Variants in DMRT2 observed in about 807,000 individuals in gnomAD.
DMRT2 encodes the protein doublesex and mab-3 related transcription factor 2.
Under a neutral mutation model 43.5 loss-of-function variants are expected in DMRT2, and 33 were observed. That is an observed-to-expected ratio of 0.76 (90% CI 0.58 to 1.01). The LOEUF (loss-of-function observed/expected upper bound fraction) is 1.01, where lower values mean the gene tolerates loss of function less well. Among genes scored for constraint, DMRT2 ranks in the 50% least tolerant of loss-of-function variants. The pLI, the probability that DMRT2 is intolerant of heterozygous loss-of-function variation, is 0.00. For missense variants in DMRT2, 1,064 were observed against 748.0 expected, an observed-to-expected ratio of 1.42 and a Z score of -4.93; for synonymous variants, 395 against 309.2, an observed-to-expected ratio of 1.28 and a Z score of -2.91.
In DMRT2 at chr9:1,053,785, G is replaced by C. The variant is rs779382151; in HGVS notation, c.589G>C (p.Val197Leu). The change falls in exon 3 of 4, where the codon GTC (valine) becomes CTC (leucine). Residue 197 changes from valine to leucine, a missense_variant. Val to Leu is a conservative substitution (Grantham distance 32). Transcript: ENST00000358146. ...GCGCAAAGCTGTGTACCAGAGGCAAGTCAGAGCCCCCAGTTTGCTGGCCAA... is the reference window on the plus strand; with the variant it reads ...GCGCAAAGCTGTGTACCAGAGGCAACTCAGAGCCCCCAGTTTGCTGGCCAA... ...FERKAVYQRQ[V>L]RAPSLLAKSI... The C allele has an allele frequency of 3.7e-6, 6 of 1,614,050 alleles. No individual in the cohort carries two copies. The highest frequency in any genetic ancestry group is 1.3e-5 in the African/African-American group (1 of 74,914).
Position 1,057,184 on chromosome 9 carries a change from A to G in DMRT2, c.1597A>G (p.Thr533Ala), listed in dbSNP as rs1471342698. The G allele has an allele frequency of 1.2e-6, 2 of 1,614,152 alleles. No homozygotes were observed. Among genetic ancestry groups the G allele is most frequent in the Admixed American group, 1.7e-5 (1 of 60,026 alleles). The change falls in exon 4 of 4, where the codon ACA becomes GCA. Residue 533 changes from threonine (T) to alanine (A), a missense_variant. By Grantham distance (58) the Thr-to-Ala change is moderately conservative. Transcript: ENST00000358146. ...KDLFVAKQVGTKLSVNEPLSF... is the reference protein window; with the variant it reads ...KDLFVAKQVGAKLSVNEPLSF... ...CCTTTTTGTAGCCAAACAAGTTGGA[A>G]CAAAACTCTCGGTGAATGAACCACT...
In DMRT2 at chr9:1,057,175, C is replaced by G. The variant is rs1822064872; in HGVS notation, c.1588C>G (p.Gln530Glu). The G allele has an allele frequency of 6.2e-7, 1 of 1,613,996 alleles. No individual in the cohort carries two copies. Among genetic ancestry groups the G allele is most frequent in the Non-Finnish European group, 8.5e-7 (1 of 1,180,002 alleles). Reference protein sequence around the residue: ...RCAKDLFVAKQVGTKLSVNEP... With the variant: ...RCAKDLFVAKEVGTKLSVNEP... ...TGCAAAAGACCTTTTTGTAGCCAAA[C>G]AAGTTGGAACAAAACTCTCGGTGAA... The change falls in exon 4 of 4, where the codon CAA (glutamine) becomes GAA (glutamate). Residue 530 changes from glutamine to glutamate, a missense_variant. Coordinates refer to ENST00000358146, the MANE Select transcript of DMRT2 (RefSeq NM_181872.6).
chr9:1,056,989 C>G lies in DMRT2; in HGVS notation c.1402C>G (p.His468Asp). 6.2e-7 allele frequency: 1 copy of G among 1,614,230 alleles called. No homozygotes were observed. Among genetic ancestry groups the G allele is most frequent in the Admixed American group, 1.7e-5 (1 of 60,024 alleles). The change falls in exon 4 of 4, where the codon CAT (histidine) becomes GAT (aspartate). Residue 468 changes from histidine (H) to aspartate (D), a missense_variant. His to Asp is a moderately conservative substitution (Grantham distance 81). Transcript: ENST00000358146. ...CACCAGGCACCCTCTGCCACTTAGA[C>G]ATAATCCATTCCACTCATTATTCCA... Reference protein sequence around the residue: ...ENTRHPLPLRHNPFHSLFQQT... With the variant: ...ENTRHPLPLRDNPFHSLFQQT...
intron 3 of DMRT2, 137 bp downstream of exon 3, chr9:1,053,961 G>C (rs746127361): frequency 4.4e-6 from 3 of 679,544 alleles, no homozygotes; most frequent in African/African-American, 3.6e-5. Context: ...TTTTGTTTAG[G>C]TGTTCGCTGA....
At chr9:1,056,181 T>C in intron 3 of DMRT2, 35 bp from the exon 4 acceptor site, 2 of 1,562,006 alleles carry the variant, frequency 1.3e-6, no homozygotes, top group Non-Finnish European at 1.7e-6. Flanking sequence ...CCGTAGATGT[T>C]AATCTCTTTC....
chr9:1,053,869 T>C (rs1367482721), intron 3 of DMRT2, 45 bp downstream of exon 3: 1 of 1,470,392 alleles, frequency 6.8e-7, no homozygotes, highest in Admixed American at 1.7e-5. Flanking sequence ...CAGAGTTGAG[T>C]GACTCTCATT....
In DMRT2 at chr9:1,056,461, G is replaced by C; in HGVS notation, c.874G>C (p.Val292Leu). Reference sequence around the variant, plus strand: ...CAAAAGTGCCTACAGCCCCAGCCCAGTGGAACCACCAAGCAAGGACTTCTG... The same window carrying C: ...CAAAAGTGCCTACAGCCCCAGCCCACTGGAACCACCAAGCAAGGACTTCTG... Reference protein sequence around the residue: ...SYKSAYSPSPVEPPSKDFCNF... With the variant: ...SYKSAYSPSPLEPPSKDFCNF... The change falls in exon 4 of 4, where the codon GTG becomes CTG. Residue 292 changes from valine to leucine, a missense_variant. Physicochemically the swap from Val to Leu is conservative, Grantham distance 32. Coordinates refer to ENST00000358146, the MANE Select transcript of DMRT2 (RefSeq NM_181872.6). The C allele has an allele frequency of 6.2e-7, 1 of 1,614,210 alleles. No individual in the cohort carries two copies. Among genetic ancestry groups the C allele is most frequent in the Non-Finnish European group, 8.5e-7 (1 of 1,180,044 alleles).
At chr9:1,055,456 A>G (rs1484713515) in intron 3 of DMRT2, among the ~76,000 whole-genome samples, 3 of 152,244 alleles carry the variant, frequency 2.0e-5, no homozygotes, top group African/African-American at 7.2e-5. Flanking sequence ...CAAAATGATT[A>G]GAGCTTGGGA....
At chr9:1,053,385 T>A (rs527531593) in intron 2 of DMRT2, among the ~76,000 whole-genome samples, 1 of 152,280 alleles carries the variant, frequency 6.6e-6, no homozygotes, top group South Asian at 2.1e-4. Flanking sequence ...TGAGGTCGGG[T>A]GCCCCCCTGA....
At position 1,057,175 on chromosome 9, in the gene DMRT2, C is replaced by A; in HGVS notation, c.1588C>A (p.Gln530Lys). The change falls in exon 4 of 4, where the codon CAA (glutamine) becomes AAA (lysine). Residue 530 changes from glutamine (Q) to lysine (K), a missense_variant. Physicochemically the swap from Gln to Lys is moderately conservative, Grantham distance 53. Coordinates refer to ENST00000358146, the MANE Select transcript of DMRT2 (RefSeq NM_181872.6). ...RCAKDLFVAK[Q>K]VGTKLSVNEP... ...TGCAAAAGACCTTTTTGTAGCCAAA[C>A]AAGTTGGAACAAAACTCTCGGTGAA... 1 of 1,613,996 alleles carries A rather than the reference C, an allele frequency of 6.2e-7. No individual in the cohort carries two copies. The highest frequency in any genetic ancestry group is 8.5e-7 in the Non-Finnish European group (1 of 1,180,002).
At chr9:1,052,296 A>T (rs983588732) in intron 2 of DMRT2, among the ~76,000 whole-genome samples, 158 bp downstream of exon 2, 34 of 152,070 alleles carry the variant, frequency 2.2e-4, no homozygotes, top group Non-Finnish European at 4.9e-4. Flanking sequence ...TGCACTGGCG[A>T]GCAGGGTCGG....
In DMRT2 at chr9:1,051,678, T is replaced by C; in HGVS notation, c.65T>C (p.Leu22Pro). The C allele has an allele frequency of 6.4e-7, 1 of 1,569,154 alleles. No individual in the cohort carries two copies. The change falls in exon 2 of 4, where the codon CTG becomes CCG. Residue 22 changes from leucine (L) to proline (P), a missense_variant. Leu to Pro is a moderately conservative substitution (Grantham distance 98, BLOSUM62 -3). Transcript: ENST00000358146. The surrounding 1 kb of genome is among the most constrained non-coding windows in gnomAD (Gnocchi z 5.9). ...GAGATCGATGTCGAGAGCCTGGAGC[T>C]GGAAGAGGACGTCTGCGGGGCGCCG... ...DWEIDVESLE[L>P]EEDVCGAPRS...
chr9:1,055,829 A>G (rs1821943817), intron 3 of DMRT2: 2 of 1,518,884 alleles, frequency 1.3e-6, no homozygotes, highest in Admixed American at 5.1e-5. Context: ...TAATGAAAAA[A>G]GATGACATGG....
At chr9:1,054,832 C>A (rs1394173239) in intron 3 of DMRT2, among the ~76,000 whole-genome samples, 1 of 151,708 alleles carries the variant, frequency 6.6e-6, no homozygotes, top group African/African-American at 2.4e-5. Context: ...CTGTTTTTTT[C>A]TTGTGTAGCT....
At position 1,056,800 on chromosome 9, in the gene DMRT2, C is replaced by G; in HGVS notation, c.1213C>G (p.Pro405Ala). The G allele has an allele frequency of 6.2e-7, 1 of 1,614,092 alleles. No homozygotes were observed. Among genetic ancestry groups the G allele is most frequent in the Non-Finnish European group, 8.5e-7 (1 of 1,180,030 alleles). Reference sequence around the variant, plus strand: ...GAAATTGGAAGGTTCCCTGGTGCTGCCTCACACTCCTGAGATCCAGACCAC... The same window carrying G: ...GAAATTGGAAGGTTCCCTGGTGCTGGCTCACACTCCTGAGATCCAGACCAC... ...PSKLEGSLVLPHTPEIQTTRS... is the reference protein window; with the variant it reads ...PSKLEGSLVLAHTPEIQTTRS... Residue 405 changes from proline to alanine, a missense_variant, in exon 4 of 4, where the codon CCT (proline) becomes GCT (alanine). Transcript: ENST00000358146.
rs773704993 is a variant in DMRT2, at chr9:1,056,474, G to A, written c.887G>A (p.Ser296Asn). 3.1e-6 allele frequency: 5 copies of A among 1,614,168 alleles called. No individual in the cohort carries two copies. In the East Asian group the frequency reaches 1.1e-4, roughly 36 times the overall value. ...AYSPSPVEPP[S>N]KDFCNFLPTC... ...AGCCCCAGCCCAGTGGAACCACCAA[G>A]CAAGGACTTCTGTAATTTTTTGCCC... The change falls in exon 4 of 4, where the codon AGC becomes AAC. Residue 296 changes from serine to asparagine, a missense_variant. By Grantham distance (46) the Ser-to-Asn change is conservative. Coordinates refer to ENST00000358146, the MANE Select transcript of DMRT2 (RefSeq NM_181872.6).
chr9:1,053,904 A>C (rs1258885370), intron 3 of DMRT2, 80 bp downstream of exon 3: 1 of 1,280,478 alleles, frequency 7.8e-7, no homozygotes, highest in African/African-American at 1.5e-5. Flanking sequence ...GTGTTTATTA[A>C]TCTGTGAAAG....
chr9:1,051,384 T>C lies in DMRT2; in HGVS notation c.-44-186T>C, dbSNP rs1821562073. Among the ~76,000 whole-genome samples the C allele has an allele frequency of 2.6e-5, 4 of 152,104 alleles. No homozygotes were observed. In the South Asian group the frequency reaches 8.3e-4, roughly 32 times the overall value. On this transcript the variant is annotated intron_variant, in intron 1 of 3. Coordinates refer to ENST00000358146, the MANE Select transcript of DMRT2 (RefSeq NM_181872.6). This position sits in a 1 kb window ranked among gnomAD's most constrained non-coding sequence, Gnocchi z 5.9. ...TTAATAAAATAAAACCTTTGTTGGG[T>C]TGTGGATCCCTGGGGGCCCTGGAGA...
chr9:1,056,675 C>T lies in DMRT2; in HGVS notation c.1088C>T (p.Ala363Val), dbSNP rs139912017. The change falls in exon 4 of 4, where the codon GCC becomes GTC. Residue 363 changes from alanine (A) to valine (V), a missense_variant. Physicochemically the swap from Ala to Val is moderately conservative, Grantham distance 64. Transcript: ENST00000358146. Reference sequence around the variant, plus strand: ...CTCTACCAGCAATGCCTGCTAAATGCCACCACCTCAGTTCAAGCCCTGAAG... The same window carrying T: ...CTCTACCAGCAATGCCTGCTAAATGTCACCACCTCAGTTCAAGCCCTGAAG... Reference protein sequence around the residue: ...TLLYQQCLLNATTSVQALKPG... With the variant: ...TLLYQQCLLNVTTSVQALKPG... The T allele has an allele frequency of 8.1e-6, 13 of 1,614,084 alleles. No homozygotes were observed. The highest frequency in any genetic ancestry group is 9.3e-6 in the Non-Finnish European group (11 of 1,180,046).
Sources: allele counts gnomAD v4.1 joint callset (sites outside exome capture counted in the v4.1 genomes callset), GRCh38; gene constraint gnomAD v4.1.1; non-coding constraint Gnocchi (gnomAD v3.1); transcripts MANE v1.5; gene names NCBI Gene and HGNC (gene_info 2026-07-23, HGNC 2026-07-21).